The following POM121 variants were observed in gnomAD, a reference collection of about 807,000 sequenced individuals.
POM121 encodes the protein POM121 transmembrane nucleoporin.
A neutral mutation model predicts 81.3 loss-of-function variants in POM121; 32 were observed. That is an observed-to-expected ratio of 0.39 (90% confidence interval 0.30 to 0.53). POM121 has a LOEUF of 0.53. Among genes scored for constraint, POM121 ranks in the 20% least tolerant of loss-of-function variants. The pLI is 0.66. For synonymous variants in POM121, 514 were observed against 694.2 expected (o/e 0.74, Z 4.08); for missense variants, 1,138 against 1,614.6 (o/e 0.70, Z 5.06).
At chr7:72,899,812 C>CTCG (rs1554492354) in intron 3 of POM121, among the ~76,000 whole-genome samples, 1 of 152,066 alleles carries the variant, frequency 6.6e-6, no homozygotes, top group African/African-American at 2.4e-5. Flanking sequence ...ATCTCCTGAA[C>CTCG]TCGTGATCCA....
chr7:72,898,979 CTTTTT>C (rs1176371162), intron 3 of POM121, among the ~76,000 whole-genome samples: 13 of 34,098 alleles, frequency 3.8e-4, no homozygotes, highest in Non-Finnish European at 4.4e-4. Context: ...CTTTTCTTTT[CTTTTT>C]TTTTTTTTTT....
At chr7:72,890,914 G>A in intron 2 of POM121, 2 of 1,127,000 alleles carry the variant, frequency 1.8e-6, no homozygotes, top group East Asian at 2.4e-5. Flanking sequence ...GTAAAAAATG[G>A]AGCATTTCTG....
At chr7:72,941,276 C>T (rs1415561570) in intron 10 of POM121, among the ~76,000 whole-genome samples, 1 of 152,174 alleles carries the variant, frequency 6.6e-6, no homozygotes, top group African/African-American at 2.4e-5. Context: ...CTGTGCGGCA[C>T]CTCTGAAGTG....
chr7:72,889,952 C>T (rs1324428132), intron 1 of POM121, among the ~76,000 whole-genome samples: 1 of 152,200 alleles, frequency 6.6e-6, no homozygotes, highest in African/African-American at 2.4e-5. Flanking sequence ...GTCTGTGAAG[C>T]CTAATCTGAT....
At chr7:72,886,515 A>G (rs1790737155) in intron 1 of POM121, among the ~76,000 whole-genome samples, 2 of 152,202 alleles carry the variant, frequency 1.3e-5, no homozygotes, top group Admixed American at 1.3e-4. Flanking sequence ...GAGAAAATAC[A>G]CAGTTACCAT....
At chr7:72,889,485 T>C (rs1433832522) in intron 1 of POM121, among the ~76,000 whole-genome samples, 4 of 151,912 alleles carry the variant, frequency 2.6e-5, no homozygotes, top group African/African-American at 4.8e-5. Context: ...GGTGGATTGC[T>C]GGAGCCCAGG....
At chr7:72,933,982 T>TA (rs1351510951) in intron 5 of POM121, among the ~76,000 whole-genome samples, 2 of 152,184 alleles carry the variant, frequency 1.3e-5, no homozygotes, top group Non-Finnish European at 2.9e-5. Context: ...TTCGGGCTTT[T>TA]AAAAATCTTT....
At chr7:72,941,212 TCG>T (rs1478436755) in intron 10 of POM121, among the ~76,000 whole-genome samples, 1 of 151,818 alleles carries the variant, frequency 6.6e-6, no homozygotes, top group African/African-American at 2.4e-5. Flanking sequence ...GAAGCCTGGC[TCG>T]TAGCTGCCCT....
At position 72,925,958 on chromosome 7, in the gene POM121, A is replaced by G. The variant is rs555632365; in HGVS notation, c.644+193A>G. On this transcript the variant is annotated intron_variant, in intron 1 of 12. Transcript: ENST00000434423. ...CTTGGAATGAGATGTTGTGTTGCCA[A>G]AACGATTCTCTTCTTTCCAGTTCTA... 7.9e-5 allele frequency among the ~76,000 whole-genome samples: 12 copies of G among 152,268 alleles called. No homozygotes were observed. The South Asian group carries it at 2.5e-3, about 32-fold the overall frequency.
intron 3 of POM121, among the ~76,000 whole-genome samples, chr7:72,894,656 A>C (rs1345040272): frequency 6.7e-6 from 1 of 148,722 alleles, no homozygotes; most frequent in Non-Finnish European, 1.5e-5. Flanking sequence ...AGAGAGAGAG[A>C]GAGAGAGAGA....
chr7:72,918,388 G>T lies in POM121; in HGVS notation c.-152+4560G>T, dbSNP rs568657505. ...GCTAGACCAAGGAGCCCTTCTGGTG[G>T]CCGTGTCTGGGCATAACAGAAGGCT... On this transcript the variant is annotated intron_variant, in intron 4 of 15. Coordinates refer to the POM121 transcript ENST00000395270. 3.9e-5 allele frequency among the ~76,000 whole-genome samples: 6 copies of T among 152,306 alleles called. No homozygotes were observed. The South Asian group carries it at 1.2e-3, about 32-fold the overall frequency.
At chr7:72,908,601 C>T (rs1176765629) in intron 3 of POM121, among the ~76,000 whole-genome samples, 1 of 152,136 alleles carries the variant, frequency 6.6e-6, no homozygotes, top group Non-Finnish European at 1.5e-5. Flanking sequence ...CCTGGGAGTG[C>T]TATGGGAAAC....
intron 2 of POM121, 50 bp downstream of exon 2, chr7:72,926,527 T>G: frequency 6.2e-7 from 1 of 1,607,470 alleles, no homozygotes; most frequent in South Asian, 1.1e-5. Context: ...TCCACTTTAT[T>G]CTTCTCCAGT....
In POM121 at chr7:72,902,067, G is replaced by A. The variant is rs191472985; in HGVS notation, c.-216+10957G>A. ...GCAGAGGTTTCAGTGAGCCGAGATC[G>A]CGCCATTGCACTCAAGCTTAGGCAA... On this transcript the variant is annotated intron_variant, in intron 3 of 15. Transcript: ENST00000395270. Among the ~76,000 whole-genome samples the A allele has an allele frequency of 5.8e-4, 88 of 151,264 alleles. 2 individuals are homozygous for A. The East Asian group carries it at 0.015, about 26-fold the overall frequency.
At chr7:72,912,619 C>T (rs1793912506) in intron 3 of POM121, among the ~76,000 whole-genome samples, 1 of 152,014 alleles carries the variant, frequency 6.6e-6, no homozygotes, top group African/African-American at 2.4e-5. Flanking sequence ...TACTAAAACG[C>T]GCACACAAAA....
At chr7:72,948,652 G>A, downstream of POM121, 1 of 1,603,132 alleles carries the variant, frequency 6.2e-7, no homozygotes, top group East Asian at 2.2e-5. Context: ...TCCCAAGCAT[G>A]CCCCCACTCA....
chr7:72,880,564 T>C (rs1269667766), intron 1 of POM121, among the ~76,000 whole-genome samples: 5 of 152,086 alleles, frequency 3.3e-5, no homozygotes, highest in Admixed American at 2.0e-4. Context: ...TTCCTATGGC[T>C]TATTTTATTT....
chr7:72,883,846 C>T (rs541750761), intron 1 of POM121, among the ~76,000 whole-genome samples: 47 of 151,996 alleles, frequency 3.1e-4, no homozygotes, highest in African/African-American at 1.0e-3. Context: ...TGTGATTTGC[C>T]TTCATTAGGG....
chr7:72,948,919 G>A (rs369390186), downstream of POM121: 30 of 1,612,218 alleles, frequency 1.9e-5, 1 homozygote, highest in Middle Eastern at 5.0e-4. Flanking sequence ...CTGCTGCAGC[G>A]CATCTTGTAC....
Sources: gnomAD v4.1 joint callset for allele counts (sites outside exome capture counted in the v4.1 genomes callset) on GRCh38, gnomAD v4.1.1 for gene constraint, MANE v1.5 for transcripts, NCBI Gene and HGNC (gene_info 2026-07-23, HGNC 2026-07-21) for gene names.